Variants in MAP4K2 observed in about 807,000 individuals in gnomAD.
MAP4K2 encodes the protein mitogen-activated protein kinase kinase kinase kinase 2.
In MAP4K2, 85 loss-of-function variants were observed where a neutral mutation model predicts 125.3. That is an observed-to-expected ratio of 0.68 (90% CI 0.57 to 0.81). MAP4K2 has a LOEUF of 0.81. MAP4K2 is among the 40% of genes least tolerant of loss of function. The pLI is 0.00. For missense variants in MAP4K2, 923 were observed against 1,056.4 expected (o/e 0.87, Z 1.75); for synonymous variants, 479 against 445.1 (o/e 1.08, Z -0.96).
At chr11:64,802,524 T>A (rs990877464) in intron 3 of MAP4K2, 39 bp downstream of exon 3, 1 of 1,575,798 alleles carries the variant, frequency 6.3e-7, no homozygotes, top group Admixed American at 1.8e-5. Context: ...GCAGGTCACA[T>A]GGGGGCTGCC....
intron 5 of MAP4K2, 128 bp downstream of exon 5, chr11:64,801,938 C>T: frequency 8.5e-7 from 1 of 1,176,234 alleles, no homozygotes; most frequent in Non-Finnish European, 1.2e-6. Context: ...GCCCCTTTTC[C>T]CCAGGACCTA....
intron 18 of MAP4K2, 36 bp downstream of exon 18, chr11:64,797,239 G>A: frequency 1.2e-6 from 2 of 1,603,392 alleles, no homozygotes; most frequent in Non-Finnish European, 1.7e-6. Flanking sequence ...CCCCCACCCT[G>A]GGGCTGCCTC....
intron 12 of MAP4K2, 28 bp downstream of exon 12, chr11:64,800,081 G>T: frequency 1.3e-6 from 2 of 1,540,080 alleles, no homozygotes; most frequent in South Asian, 1.2e-5. Context: ...ACCAGCCCAA[G>T]ACTCACTTTC....
chr11:64,801,584 T>C lies in MAP4K2; in HGVS notation c.452A>G (p.Lys151Arg). The C allele has an allele frequency of 6.2e-7, 1 of 1,614,020 alleles. No homozygotes were observed. The highest frequency in any genetic ancestry group is 2.2e-5 in the East Asian group (1 of 44,878). Residue 151 changes from lysine (K) to arginine (R), a missense_variant, in exon 7 of 32, where the codon AAA becomes AGA. By Grantham distance (26) the Lys-to-Arg change is conservative. Around this residue, in one of 2 missense-constraint regions of MAP4K2, gnomAD observed 833 missense variants for 911.4 expected, o/e 0.91. Coordinates refer to ENST00000294066, the MANE Select transcript of MAP4K2 (RefSeq NM_004579.5). ...NLLLTLQGDVKLADFGVSGEL... is the reference protein window; with the variant it reads ...NLLLTLQGDVRLADFGVSGEL... Reference sequence around the variant, plus strand: ...GGTGTCCCCAGGGTACTGACCCAGTTTGACATCTCCCTGGAGAGTGAGGAG... The same window carrying C: ...GGTGTCCCCAGGGTACTGACCCAGTCTGACATCTCCCTGGAGAGTGAGGAG...
In MAP4K2 at chr11:64,789,864, A is replaced by G. The variant is rs781484334; in HGVS notation, c.2319+25T>C. ...AGGTAGGGACCACAAGGCAGGGGAC[A>G]GCAAGGTCCCTGGGCCCCACTCACC... On this transcript the variant is annotated intron_variant, in intron 30 of 31. Coordinates refer to ENST00000294066, the MANE Select transcript of MAP4K2 (RefSeq NM_004579.5). 1.1e-5 allele frequency: 18 copies of G among 1,613,844 alleles called. 1 individual carries two copies. In the South Asian group the frequency reaches 1.2e-4, roughly 11 times the overall value.
chr11:64,802,975 G>A, intron 1 of MAP4K2, 33 bp from the exon 2 acceptor site: 6 of 1,556,768 alleles, frequency 3.9e-6, no homozygotes, highest in Non-Finnish European at 4.3e-6. Context: ...GGGATGGGGG[G>A]CGGGGCCGGG....
At chr11:64,798,448 G>A (rs1940961458) in intron 15 of MAP4K2, among the ~76,000 whole-genome samples, 2 of 152,234 alleles carry the variant, frequency 1.3e-5, no homozygotes, top group Admixed American at 6.5e-5. Flanking sequence ...ACAGGCGTAA[G>A]CCACCACAGC....
At position 64,789,783 on chromosome 11, in the gene MAP4K2, C is replaced by T. The variant is rs762549213; in HGVS notation, c.2322G>A (p.Val774=). 1 of 1,614,020 alleles carries T rather than the reference C, an allele frequency of 6.2e-7. No individual in the cohort carries two copies. The highest frequency in any genetic ancestry group is 2.2e-5 in the East Asian group (1 of 44,904). The change falls in exon 31 of 32, where the codon GTG becomes GTA. Residue 774 remains valine (V), a splice_region_variant and synonymous_variant. Transcript: ENST00000294066. The stretch of plus-strand genomic sequence containing the variant: ...TTGTTTCATCTGTGATCTCCTGGGT[C>T]ACCTGGGAAGACAGGTGGGAAGCAC... ...MQGRSLDTNE[V]TQEITDETRI...
In MAP4K2 at chr11:64,789,436, G is replaced by A; in HGVS notation, c.*101C>T. 9.5e-7 allele frequency: 1 copy of A among 1,051,494 alleles called. No individual in the cohort carries two copies. The highest frequency in any genetic ancestry group is 1.4e-6 in the Non-Finnish European group (1 of 704,106). The allele number at this position is 1,051,494 out of a possible 1,614,324, so 65.1% of individuals were successfully genotyped here. A position where few individuals can be genotyped will look rare whatever the true frequency, so the allele number is the denominator to read the frequency against. On this transcript the variant is annotated 3_prime_UTR_variant, in exon 32 of 32. Transcript: ENST00000294066. ...CTGACCTTCAGCCCCAGCAGGGCCAGGGCCTGGGCTCCTCTGGTCTAGGAT... is the reference window on the plus strand; with the variant it reads ...CTGACCTTCAGCCCCAGCAGGGCCAAGGCCTGGGCTCCTCTGGTCTAGGAT...
In MAP4K2 at chr11:64,803,154, C is replaced by G; in HGVS notation, c.-5G>C. On this transcript the variant is annotated 5_prime_UTR_variant, in exon 1 of 32. Transcript: ENST00000294066. ...CACATCCCGCAGCAGCGCCATGGCC[C>G]GGCGCCGGGCGGGCCGGCAGGCGGG... The G allele has an allele frequency of 7.8e-7, 1 of 1,285,984 alleles. No homozygotes were observed. The highest frequency in any genetic ancestry group is 2.1e-5 in the South Asian group (1 of 46,664). 79.7% of individuals were successfully genotyped at this position (1,285,984 alleles called of 1,614,324 possible).
chr11:64,802,188 G>A (rs1941233399), intron 4 of MAP4K2, 67 bp from the exon 5 acceptor site: 1 of 1,457,552 alleles, frequency 6.9e-7, no homozygotes, highest in African/African-American at 1.4e-5. Context: ...AGGCTACCGT[G>A]TGTGGGAAAA....
intron 7 of MAP4K2, 138 bp downstream of exon 7, chr11:64,801,441 A>G: frequency 9.7e-7 from 1 of 1,027,744 alleles, no homozygotes; most frequent in Non-Finnish European, 1.4e-6. Context: ...GGGAGGGAGT[A>G]CCGTTCCATC....
intron 24 of MAP4K2, 114 bp downstream of exon 24, chr11:64,796,159 G>A (rs541629086): frequency 2.0e-5 from 19 of 937,704 alleles, no homozygotes; most frequent in African/African-American, 5.0e-5. Flanking sequence ...GGAAACGGGC[G>A]CTCAGAGAGA....
chr11:64,800,530 G>T, intron 10 of MAP4K2, 138 bp from the exon 11 acceptor site: 1 of 1,118,550 alleles, frequency 8.9e-7, no homozygotes, highest in Non-Finnish European at 1.3e-6. Flanking sequence ...AAGGGCCACT[G>T]GCCGAGCAAC....
At position 64,787,534 on chromosome 11, in the gene MAP4K2, T is replaced by C. The variant is rs1397823686; in HGVS notation, c.*2003A>G. On this transcript the variant is annotated 3_prime_UTR_variant, in exon 32 of 32. Transcript: ENST00000294066. The stretch of plus-strand genomic sequence containing the variant: ...TATATCTCTGCTGTATTTAAAAAAA[T>C]ATGTACCATGGGCAAAGGTTACGCA... 6.6e-6 allele frequency: 1 copy of C among 152,214 alleles called. No individual in the cohort carries two copies. The allele number at this position is 152,214 out of a possible 1,614,324, so 9.4% of individuals were successfully genotyped here.
chr11:64,802,568 G>A lies in MAP4K2; in HGVS notation c.240C>T (p.Tyr80=). ...HPNVVAYIGS[Y]LRNDRLWICM... The stretch of plus-strand genomic sequence containing the variant: ...GGAGGATAAGGCAGCCTCACCTGAG[G>A]TAGCTGCCAATGTAGGCCACCACAT... Residue 80 remains tyrosine (Y), a synonymous_variant, in exon 3 of 32, where the codon TAC becomes TAT. Transcript: ENST00000294066. 6.2e-7 allele frequency: 1 copy of A among 1,607,848 alleles called. No homozygotes were observed. Among genetic ancestry groups the A allele is most frequent in the Non-Finnish European group, 8.5e-7 (1 of 1,177,300 alleles).
At position 64,787,029 on chromosome 11, in the gene MAP4K2, TTC is replaced by T. The variant is rs1303817385; in HGVS notation, c.*2506_*2507del. On this transcript the variant is annotated 3_prime_UTR_variant, in exon 32 of 32. Coordinates refer to ENST00000294066, the MANE Select transcript of MAP4K2 (RefSeq NM_004579.5). ...TTCTCCAGGATATATATATATTTTT[TTC>T]TCTTTTTTTTTTTTTTGAGACGGAG... 1.4e-3 allele frequency: 150 copies of T among 106,306 alleles called. No homozygotes were observed. The highest frequency in any genetic ancestry group is 4.3e-3 in the African/African-American group (138 of 32,142). 6.6% of individuals were successfully genotyped at this position (106,306 alleles called of 1,614,324 possible). A position where few individuals can be genotyped will look rare whatever the true frequency, so the allele number is the denominator to read the frequency against.
intron 5 of MAP4K2, 49 bp from the exon 6 acceptor site, chr11:64,801,806 C>T: frequency 5.6e-6 from 9 of 1,596,656 alleles, no homozygotes; most frequent in Non-Finnish European, 6.8e-6. Context: ...CACTGTCCCA[C>T]CTCCCCAAAC....
At chr11:64,797,738 CT>C in intron 15 of MAP4K2, 74 bp from the exon 16 acceptor site, 1 of 1,348,528 alleles carries the variant, frequency 7.4e-7, no homozygotes, top group South Asian at 1.6e-5. Flanking sequence ...CGGAGTCTCG[CT>C]CTGTCACCCA....
Sources: gnomAD v4.1 joint callset for allele counts (sites outside exome capture counted in the v4.1 genomes callset) on GRCh38, gnomAD v4.1.1 for gene constraint, gnomAD v4.1.1 regional missense constraint, MANE v1.5 for transcripts, NCBI Gene and HGNC (gene_info 2026-07-23, HGNC 2026-07-21) for gene names.